TMEFF1: variants seen among roughly 807,000 people sequenced by gnomAD.
TMEFF1 encodes transmembrane protein with EGF like and two follistatin like domains 1.
Under a neutral mutation model 47.5 loss-of-function variants are expected in TMEFF1, and 20 were observed. The ratio of observed to expected loss-of-function variants is 0.42; its 90% confidence interval spans 0.30 to 0.61. The LOEUF (loss-of-function observed/expected upper bound fraction) is 0.61, where lower values mean the gene tolerates loss of function less well. TMEFF1 is among the 20% of genes least tolerant of loss of function. TMEFF1 has a pLI of 0.19. For missense variants in TMEFF1, 411 were observed against 471.1 expected (o/e 0.87, Z 1.18); for synonymous variants, 162 against 166.3 (o/e 0.97, Z 0.20).
intron 5 of TMEFF1, among the ~76,000 whole-genome samples, chr9:100,536,633 T>G (rs1298008446): frequency 6.6e-6 from 1 of 152,220 alleles, no homozygotes; most frequent in Non-Finnish European, 1.5e-5. Context: ...ATTAACTTTA[T>G]TTCTGAGCAC....
At chr9:100,576,424 G>A (rs1216796393) in intron 9 of TMEFF1, 92 bp from the exon 10 acceptor site, 2 of 1,497,656 alleles carry the variant, frequency 1.3e-6, no homozygotes, top group African/African-American at 1.4e-5. Context: ...GGCTTTATGT[G>A]CAAAATGTGT....
intron 1 of TMEFF1, among the ~76,000 whole-genome samples, chr9:100,474,330 T>C (rs937960520): frequency 4.6e-5 from 7 of 151,336 alleles, no homozygotes; most frequent in South Asian, 2.1e-4. Flanking sequence ...ACTGTGTGTG[T>C]GCGCGCGCGC....
intron 2 of TMEFF1, among the ~76,000 whole-genome samples, chr9:100,499,540 T>G (rs922453118): frequency 6.6e-6 from 1 of 152,228 alleles, no homozygotes. Flanking sequence ...AAAAAGGAAC[T>G]AGAATTTTTT....
At chr9:100,491,944 G>C (rs1203026037) in intron 1 of TMEFF1, among the ~76,000 whole-genome samples, 2 of 149,902 alleles carry the variant, frequency 1.3e-5, no homozygotes, top group Non-Finnish European at 2.9e-5. Flanking sequence ...GCAGTGGCAC[G>C]ATCTTACTCA....
intron 1 of TMEFF1, among the ~76,000 whole-genome samples, chr9:100,485,358 C>G (rs1217387871): frequency 6.6e-6 from 1 of 152,148 alleles, no homozygotes; most frequent in Non-Finnish European, 1.5e-5. Flanking sequence ...CGTGGTGACT[C>G]CATGTTTAAC....
At chr9:100,562,121 C>T (rs1459671367) in intron 8 of TMEFF1, among the ~76,000 whole-genome samples, 1 of 152,042 alleles carries the variant, frequency 6.6e-6, no homozygotes, top group Non-Finnish European at 1.5e-5. Context: ...GCGGATACAC[C>T]TTTTTGCTGC....
chr9:100,512,228 CA>C (rs1163805112), intron 3 of TMEFF1, among the ~76,000 whole-genome samples: 1 of 152,244 alleles, frequency 6.6e-6, no homozygotes, highest in Non-Finnish European at 1.5e-5. Context: ...CTTATTTACT[CA>C]GAGAAAATGT....
At chr9:100,515,734 C>CTCCAGGCTGAGATTCA (rs772955524) in intron 4 of TMEFF1, among the ~76,000 whole-genome samples, 1 of 151,946 alleles carries the variant, frequency 6.6e-6, no homozygotes, top group Admixed American at 6.6e-5. Flanking sequence ...TCAAGTGATT[C>CTCCAGGCTGAGATTCA]TCCAGGCTGA....
intron 1 of TMEFF1, among the ~76,000 whole-genome samples, chr9:100,494,941 A>G (rs1045537567): frequency 6.6e-6 from 1 of 152,204 alleles, no homozygotes; most frequent in Non-Finnish European, 1.5e-5. Flanking sequence ...ATCTGAAATC[A>G]TCTGATGTTA....
intron 1 of TMEFF1, among the ~76,000 whole-genome samples, chr9:100,483,563 T>G (rs1258997478): frequency 6.6e-6 from 1 of 152,136 alleles, no homozygotes; most frequent in East Asian, 1.9e-4. Flanking sequence ...TGAAAACAAA[T>G]TTTGTGAAAG....
intron 2 of TMEFF1, among the ~76,000 whole-genome samples, chr9:100,501,457 C>A (rs1837757779): frequency 2.6e-5 from 4 of 151,708 alleles, no homozygotes. Flanking sequence ...TATTCTGTGT[C>A]TAGTTTCTGG....
intron 2 of TMEFF1, among the ~76,000 whole-genome samples, chr9:100,501,483 C>T (rs1042650059): frequency 1.3e-5 from 2 of 151,560 alleles, no homozygotes; most frequent in Admixed American, 6.6e-5. Flanking sequence ...TTTCTTTTTC[C>T]CTCATGTTGA....
At chr9:100,478,448 A>G (rs12057047) in intron 1 of TMEFF1, among the ~76,000 whole-genome samples, 37,043 of 152,012 alleles carry the variant, frequency 0.24, 5,121 homozygotes, top group African/African-American at 0.37. Flanking sequence ...TCAGTAGTTC[A>G]GACTACAGGT....
chr9:100,488,248 T>C (rs1837487358), intron 1 of TMEFF1, among the ~76,000 whole-genome samples: 1 of 152,216 alleles, frequency 6.6e-6, no homozygotes, highest in Non-Finnish European at 1.5e-5. Context: ...ACAATAGGTC[T>C]TAGTTGTCTT....
chr9:100,496,860 A>G (rs1055143061), intron 1 of TMEFF1, among the ~76,000 whole-genome samples: 1 of 152,254 alleles, frequency 6.6e-6, no homozygotes, highest in Admixed American at 6.5e-5. Flanking sequence ...GAGAAAGGAG[A>G]AAAGACAAAT....
intron 6 of TMEFF1, among the ~76,000 whole-genome samples, chr9:100,549,647 TC>T (rs1200140220): frequency 1.3e-5 from 2 of 152,180 alleles, no homozygotes; most frequent in African/African-American, 2.4e-5. Context: ...CAGGTGCAGT[TC>T]TCAAATCAGG....
intron 1 of TMEFF1, among the ~76,000 whole-genome samples, chr9:100,475,788 T>G (rs1347509968): frequency 6.7e-6 from 1 of 149,952 alleles, no homozygotes; most frequent in East Asian, 2.0e-4. Flanking sequence ...TGTAGGGGCT[T>G]GGAGTGACCT....
In TMEFF1 at chr9:100,544,880, A is replaced by G. The variant is rs1429192110; in HGVS notation, c.561-2864A>G. Among the ~76,000 whole-genome samples, 5 of 152,246 alleles carry G rather than the reference A, an allele frequency of 3.3e-5. No individual in the cohort carries two copies. The East Asian group carries it at 9.6e-4, about 29-fold the overall frequency. On this transcript the variant is annotated intron_variant, in intron 5 of 9. Coordinates refer to ENST00000374879, the MANE Select transcript of TMEFF1 (RefSeq NM_003692.5). ...GCTATAGGCCCCATGCAGGGCAGTC[A>G]AATCTTAAAGTTCTAAAATGATCTC... is the stretch of plus-strand genomic sequence containing the variant.
Position 100,550,092 on chromosome 9 carries a change from C to A in TMEFF1, c.710-3C>A. 6.2e-7 allele frequency: 1 copy of A among 1,608,332 alleles called. No homozygotes were observed. The highest frequency in any genetic ancestry group is 8.5e-7 in the Non-Finnish European group (1 of 1,178,038). ...TTAATTTGAAAACCGTCTTCTCTTA[C>A]AGATACAGATGACACTAGTTTGTTG... On this transcript the variant is annotated splice_polypyrimidine_tract_variant and splice_region_variant and intron_variant, in intron 6 of 9. Transcript: ENST00000374879.
Sources: allele counts gnomAD v4.1 joint callset (sites outside exome capture counted in the v4.1 genomes callset), GRCh38; gene constraint gnomAD v4.1.1; transcripts MANE v1.5; gene names NCBI Gene and HGNC (gene_info 2026-07-23, HGNC 2026-07-21).